ARPC1A: variants seen among roughly 807,000 people sequenced by gnomAD.
ARPC1A encodes actin-related protein 2/3 complex subunit 1A.
A neutral mutation model predicts 46.9 loss-of-function variants in ARPC1A; 8 were observed. The ratio of observed to expected loss-of-function variants is 0.17; its 90% CI spans 0.10 to 0.31. The LOEUF (loss-of-function observed/expected upper bound fraction) is 0.31, where lower values mean the gene tolerates loss of function less well. Ranked by LOEUF, ARPC1A falls within the 10% of genes least tolerant of loss-of-function variation. The pLI, the probability that ARPC1A is intolerant of heterozygous loss-of-function variation, is 1.00. For synonymous variants in ARPC1A, 152 were observed against 169.0 expected, an observed-to-expected ratio of 0.90 and a Z score of 0.78; for missense variants, 286 against 483.6, an observed-to-expected ratio of 0.59 and a Z score of 3.83.
intron 1 of ARPC1A, 40 bp from the exon 2 acceptor site, chr7:99,333,283 TTC>T: frequency 7.7e-7 from 1 of 1,304,456 alleles, no homozygotes; most frequent in Non-Finnish European, 1.1e-6. Flanking sequence ...TACTTGCCTT[TTC>T]CCTATTGTAT....
intron 4 of ARPC1A, 93 bp downstream of exon 4, chr7:99,344,608 C>G: frequency 7.6e-7 from 1 of 1,314,784 alleles, no homozygotes; most frequent in Non-Finnish European, 1.1e-6. Context: ...TTTTTCTCAT[C>G]CGGAGTTGTG....
chr7:99,362,900 T>C (rs924444258), intron 8 of ARPC1A, among the ~76,000 whole-genome samples: 3 of 152,048 alleles, frequency 2.0e-5, no homozygotes, highest in South Asian at 2.1e-4. Context: ...GCTGCTAACA[T>C]TTATGATGAT....
intron 5 of ARPC1A, among the ~76,000 whole-genome samples, chr7:99,350,677 G>T: frequency 8.9e-6 from 1 of 112,284 alleles, no homozygotes; most frequent in African/African-American, 3.4e-5. Context: ...ACAAGGTCTT[G>T]CTCTGTCACC....
At chr7:99,331,734 C>T (rs960171349) in intron 1 of ARPC1A, among the ~76,000 whole-genome samples, 50 of 152,076 alleles carry the variant, frequency 3.3e-4, no homozygotes, top group African/African-American at 1.2e-3. Flanking sequence ...GCCTGGCCAA[C>T]ATGGTGAAAG....
chr7:99,328,383 C>T (rs138275908), intron 1 of ARPC1A, among the ~76,000 whole-genome samples: 1 of 152,248 alleles, frequency 6.6e-6, no homozygotes, highest in Non-Finnish European at 1.5e-5. Context: ...AATAGAAAAG[C>T]CTTGGGTCAA....
At chr7:99,339,531 A>G (rs1793325390) in intron 3 of ARPC1A, among the ~76,000 whole-genome samples, 1 of 152,212 alleles carries the variant, frequency 6.6e-6, no homozygotes, top group Non-Finnish European at 1.5e-5. Context: ...CATCTCAAAA[A>G]AAAGAAAAAA....
At chr7:99,329,144 C>CA (rs963886026) in intron 1 of ARPC1A, among the ~76,000 whole-genome samples, 8 of 151,732 alleles carry the variant, frequency 5.3e-5, no homozygotes, top group Non-Finnish European at 1.2e-4. Context: ...ACTAAAAATA[C>CA]AAAAAAATTG....
At position 99,358,350 on chromosome 7, in the gene ARPC1A, C is replaced by G; in HGVS notation, c.724C>G (p.Leu242Val). 6.2e-7 allele frequency: 1 copy of G among 1,614,088 alleles called. No individual in the cohort carries two copies. The highest frequency in any genetic ancestry group is 8.5e-7 in the Non-Finnish European group (1 of 1,180,010). ...TGTTCTTGTGTTCAGGGTCTCGACT[C>G]TGAAGACAGAGTTCCTGCCGCTCCT... Reference protein sequence around the residue: ...DASKSVQVSTLKTEFLPLLSV... With the variant: ...DASKSVQVSTVKTEFLPLLSV... Residue 242 changes from leucine (L) to valine (V), a missense_variant, in exon 7 of 10, where the codon CTG becomes GTG. Coordinates refer to ENST00000262942, the MANE Select transcript of ARPC1A (RefSeq NM_006409.4).
At chr7:99,358,182 G>A (rs1001140282) in intron 6 of ARPC1A, among the ~76,000 whole-genome samples, 158 bp from the exon 7 acceptor site, 2 of 152,160 alleles carry the variant, frequency 1.3e-5, no homozygotes, top group East Asian at 1.9e-4. Flanking sequence ...CCCCTGTCTT[G>A]AGAGGCCTGC....
intron 6 of ARPC1A, among the ~76,000 whole-genome samples, chr7:99,354,818 A>C (rs1459084978): frequency 6.6e-6 from 1 of 152,000 alleles, no homozygotes; most frequent in Non-Finnish European, 1.5e-5. Flanking sequence ...CCTGTCTCTA[A>C]TAAAAATACA....
chr7:99,339,911 C>A (rs1793330313), intron 3 of ARPC1A: 1 of 442,812 alleles, frequency 2.3e-6, no homozygotes, highest in Non-Finnish European at 4.6e-6. Flanking sequence ...TGCCATCATT[C>A]CCACCTGTCC....
chr7:99,335,353 C>T (rs1375869807), intron 2 of ARPC1A: 2 of 419,394 alleles, frequency 4.8e-6, no homozygotes, highest in African/African-American at 2.1e-5. Flanking sequence ...GTTTTATTGC[C>T]TTGGCCCCCT....
intron 3 of ARPC1A, among the ~76,000 whole-genome samples, chr7:99,342,914 G>C (rs947983999): frequency 6.6e-6 from 1 of 151,658 alleles, no homozygotes; most frequent in African/African-American, 2.4e-5. Flanking sequence ...AATAGGGACA[G>C]GGTTTCACCG....
At chr7:99,365,321 C>T (rs1793817379) in intron 9 of ARPC1A, among the ~76,000 whole-genome samples, 1 of 152,098 alleles carries the variant, frequency 6.6e-6, no homozygotes, top group African/African-American at 2.4e-5. Flanking sequence ...CGCACTGACC[C>T]ACTCCTGTAA....
chr7:99,354,532 A>AC (rs1455630907), intron 6 of ARPC1A, among the ~76,000 whole-genome samples: 3 of 151,374 alleles, frequency 2.0e-5, no homozygotes, highest in East Asian at 1.9e-4. Flanking sequence ...AAAAAAAAAA[A>AC]AAAAAAAAAA....
chr7:99,347,516 C>CCAG (rs1793474536), intron 4 of ARPC1A, among the ~76,000 whole-genome samples: 1 of 151,802 alleles, frequency 6.6e-6, no homozygotes, highest in Non-Finnish European at 1.5e-5. Context: ...ACCAGCCTGG[C>CCAG]CAACATGGTG....
In ARPC1A at chr7:99,365,996, T is replaced by C. The variant is rs766972025; in HGVS notation, c.*67T>C. ...CGACCGCAGCTGTGCCGTGGCACGA[T>C]GGCGAGGAAGCCAGCCCCAAGGAAA... On this transcript the variant is annotated 3_prime_UTR_variant, in exon 10 of 10. Transcript: ENST00000262942. The C allele has an allele frequency of 1.3e-6, 2 of 1,516,730 alleles. No homozygotes were observed. The highest frequency in any genetic ancestry group is 1.2e-5 in the South Asian group (1 of 83,546). 94.0% of individuals were successfully genotyped at this position (1,516,730 alleles called of 1,614,324 possible).
intron 4 of ARPC1A, among the ~76,000 whole-genome samples, chr7:99,344,754 G>T (rs553382055): frequency 6.6e-6 from 1 of 151,728 alleles, no homozygotes; most frequent in Non-Finnish European, 1.5e-5. Context: ...TGTTTCTTCT[G>T]CAAGATGCTA....
chr7:99,350,631 CTTTTTTTTTTTTTTTT>C (rs540737612), intron 5 of ARPC1A, among the ~76,000 whole-genome samples: 9 of 67,572 alleles, frequency 1.3e-4, no homozygotes, highest in East Asian at 5.7e-4. Context: ...ATGAGGTGCA[CTTTTTTTTTTTTTTTT>C]TTTTTTTTTT....
Sources: allele counts gnomAD v4.1 joint callset (sites outside exome capture counted in the v4.1 genomes callset), GRCh38; gene constraint gnomAD v4.1.1; transcripts MANE v1.5; gene names NCBI Gene and HGNC (gene_info 2026-07-23, HGNC 2026-07-21).